TCF4: variants seen among roughly 807,000 people sequenced by gnomAD.
The protein encoded by TCF4 is transcription factor 4.
Under a neutral mutation model 82.1 loss-of-function variants are expected in TCF4, and 3 were observed. The observed-to-expected ratio is 0.04, with a 90% CI of 0.02 to 0.09. The LOEUF is 0.09. TCF4 is among the 10% of genes least tolerant of loss of function. The pLI, the probability that TCF4 is intolerant of heterozygous loss-of-function variation, is 1.00. For synonymous variants in TCF4, 276 were observed against 309.6 expected (o/e 0.89, Z 1.14); for missense variants, 518 against 852.7 (o/e 0.61, Z 4.89).
chr18:55,560,057 CATAATAA>C (rs1021316476), intron 3 of TCF4, among the ~76,000 whole-genome samples: 7 of 152,142 alleles, frequency 4.6e-5, no homozygotes, highest in Admixed American at 4.6e-4. Context: ...AATAAAAGCA[CATAATAA>C]TATATATTCA....
chr18:55,236,069 ATGTGTGTGTGTG>A lies in TCF4; in HGVS notation c.1351-1398_1351-1387del, dbSNP rs3040521. ...ATGCCATTTTTATATTCATGTGTGC[ATGTGTGTGTGTG>A]TGTGTGTGTGTGTATGCACTCCAAC... On this transcript the variant is annotated intron_variant, in intron 15 of 19. Transcript: ENST00000354452. Among the ~76,000 whole-genome samples, 4 of 150,970 alleles carry A rather than the reference ATGTGTGTGTGTG, an allele frequency of 2.6e-5. No homozygotes were observed. In the East Asian group the frequency reaches 5.8e-4, roughly 22 times the overall value.
chr18:55,396,427 A>G (rs1234640245), intron 6 of TCF4, among the ~76,000 whole-genome samples: 1 of 152,172 alleles, frequency 6.6e-6, no homozygotes, highest in Non-Finnish European at 1.5e-5. Flanking sequence ...GACATTCACT[A>G]TCAACCATGT....
intron 5 of TCF4, among the ~76,000 whole-genome samples, chr18:55,451,156 G>A (rs1261300478): frequency 6.6e-6 from 1 of 152,174 alleles, no homozygotes; most frequent in Non-Finnish European, 1.5e-5. Flanking sequence ...AATCTCTTTA[G>A]AAGGTATAGG....
upstream of TCF4, chr18:55,588,682 G>T: frequency 7.5e-7 from 1 of 1,330,128 alleles, no homozygotes; most frequent in South Asian, 2.2e-5. Flanking sequence ...AAAAGACTTT[G>T]CCAAGAGGAA....
chr18:55,564,800 T>C (rs958159156), intron 3 of TCF4, among the ~76,000 whole-genome samples: 1 of 152,214 alleles, frequency 6.6e-6, no homozygotes, highest in African/African-American at 2.4e-5. Context: ...AGACATGTAC[T>C]GGATGCCTAC....
intron 8 of TCF4, among the ~76,000 whole-genome samples, chr18:55,290,128 A>G (rs2064705403): frequency 6.6e-6 from 1 of 152,216 alleles, no homozygotes; most frequent in African/African-American, 2.4e-5. Context: ...AGCTTTCTTT[A>G]GGATATGGAA....
At chr18:55,311,580 G>A (rs929874671) in intron 8 of TCF4, among the ~76,000 whole-genome samples, 5 of 152,122 alleles carry the variant, frequency 3.3e-5, no homozygotes, top group African/African-American at 9.7e-5. Flanking sequence ...CCATCTCGAG[G>A]AGTATCTTCT....
chr18:55,444,095 A>G (rs2095486362), intron 5 of TCF4, among the ~76,000 whole-genome samples: 1 of 152,234 alleles, frequency 6.6e-6, no homozygotes, highest in South Asian at 2.1e-4. Flanking sequence ...CAACAGAGTG[A>G]AAGGACAGAA....
chr18:55,365,698 A>C (rs1276619055), intron 6 of TCF4, among the ~76,000 whole-genome samples: 1 of 152,096 alleles, frequency 6.6e-6, no homozygotes, highest in Non-Finnish European at 1.5e-5. Context: ...TCAGGAGTTC[A>C]AGACCAGCCT....
At chr18:55,588,513 A>G, upstream of TCF4, 2 of 1,534,510 alleles carry the variant, frequency 1.3e-6, no homozygotes, top group Non-Finnish European at 1.7e-6. Context: ...AAGCCTGAAC[A>G]GTTCAGTTTT....
intron 3 of TCF4, among the ~76,000 whole-genome samples, chr18:55,555,948 C>T (rs1480947310): frequency 2.0e-5 from 3 of 152,216 alleles, no homozygotes; most frequent in South Asian, 2.1e-4. Context: ...GGTCTTGTGA[C>T]AAGAAGTCTG....
intron 8 of TCF4, among the ~76,000 whole-genome samples, chr18:55,334,025 G>A (rs1157242394): frequency 6.6e-6 from 1 of 151,922 alleles, no homozygotes; most frequent in Non-Finnish European, 1.5e-5. Flanking sequence ...GATCTCAAGG[G>A]TATTTTTTTT....
chr18:55,303,915 C>A (rs73490803), intron 8 of TCF4, among the ~76,000 whole-genome samples: 8,280 of 152,118 alleles, frequency 0.054, 280 homozygotes, highest in African/African-American at 0.094. Context: ...TAAAAGAAAA[C>A]CTCTACCACA....
In TCF4 at chr18:55,321,583, T is replaced by C. The variant is rs191809362; in HGVS notation, c.549+28776A>G. 5.8e-5 allele frequency: 89 copies of C among 1,530,490 alleles called. No individual in the cohort carries two copies. In the East Asian group the frequency reaches 1.9e-3, roughly 33 times the overall value. 94.8% of individuals were successfully genotyped at this position (1,530,490 alleles called of 1,614,324 possible). ...GAAGGTGCGGCAGTCCTGCACAACT[T>C]TGCAAACAATGATCACCACCTAGGA... On this transcript the variant is annotated intron_variant, in intron 8 of 19. Coordinates refer to ENST00000354452, the MANE Select transcript of TCF4 (RefSeq NM_001083962.2).
chr18:55,563,086 A>G (rs979313258), intron 3 of TCF4, among the ~76,000 whole-genome samples: 6 of 151,928 alleles, frequency 3.9e-5, no homozygotes, highest in African/African-American at 1.2e-4. Flanking sequence ...CAATAATACA[A>G]AAATCAGCCA....
At chr18:55,475,184 T>C (rs967757415) in intron 3 of TCF4, among the ~76,000 whole-genome samples, 14 of 152,242 alleles carry the variant, frequency 9.2e-5, no homozygotes, top group African/African-American at 2.7e-4. Flanking sequence ...CTGCACTGAA[T>C]TGTCTATCTC....
chr18:55,627,588 A>AC (rs1476605428), intron 2 of TCF4, among the ~76,000 whole-genome samples: 1 of 150,794 alleles, frequency 6.6e-6, no homozygotes, highest in African/African-American at 2.4e-5. Context: ...ACATGGTGAA[A>AC]CCCCCGTCTT....
intron 3 of TCF4, among the ~76,000 whole-genome samples, chr18:55,531,547 A>G (rs977979136): frequency 3.9e-5 from 6 of 152,232 alleles, no homozygotes; most frequent in Non-Finnish European, 8.8e-5. Flanking sequence ...TGGACACATG[A>G]GGATAATTTT....
chr18:55,532,622 C>A (rs2097076287), intron 3 of TCF4, among the ~76,000 whole-genome samples: 1 of 152,198 alleles, frequency 6.6e-6, no homozygotes, highest in African/African-American at 2.4e-5. Flanking sequence ...AGGTCATGCA[C>A]ACTGCAAACT....
Sources: allele counts gnomAD v4.1 joint callset (sites outside exome capture counted in the v4.1 genomes callset), GRCh38; gene constraint gnomAD v4.1.1; transcripts MANE v1.5; gene names NCBI Gene and HGNC (gene_info 2026-07-23, HGNC 2026-07-21).